Variants in PALS1 observed in about 807,000 individuals in gnomAD.
PALS1 encodes the protein protein associated with LIN7 1, MAGUK p55 family member, also known as protein PALS1.
A neutral mutation model predicts 78.9 loss-of-function variants in PALS1; 31 were observed. That is an observed-to-expected ratio of 0.39 (90% confidence interval 0.30 to 0.53). The LOEUF (loss-of-function observed/expected upper bound fraction) is 0.53, where lower values mean the gene tolerates loss of function less well. Ranked by LOEUF, PALS1 falls within the 20% of genes least tolerant of loss-of-function variation. The pLI, the probability that PALS1 is intolerant of heterozygous loss-of-function variation, is 0.67. For missense variants in PALS1, 704 were observed against 826.5 expected (o/e 0.85, Z 1.82); for synonymous variants, 276 against 270.9 (o/e 1.02, Z -0.18).
At chr14:67,301,921 C>A in intron 5 of PALS1, 51 bp from the exon 6 acceptor site, 1 of 1,544,666 alleles carries the variant, frequency 6.5e-7, no homozygotes, top group East Asian at 2.3e-5. Context: ...AATCACTCTG[C>A]AGAAATAAAT....
In PALS1 at chr14:67,334,408, G is replaced by A. The variant is rs1299339941; in HGVS notation, c.*1452G>A. ...AATGCCTTGATTTTATTTTTATGGT[G>A]ACTTTAGCTACAGCATTTCCTATAC... On this transcript the variant is annotated 3_prime_UTR_variant, in exon 15 of 15. Transcript: ENST00000261681. 1.3e-5 allele frequency: 2 copies of A among 152,614 alleles called. No individual in the cohort carries two copies. Among genetic ancestry groups the A allele is most frequent in the Non-Finnish European group, 2.9e-5 (2 of 68,028 alleles). 9.5% of individuals were successfully genotyped at this position (152,614 alleles called of 1,614,324 possible).
intron 1 of PALS1, chr14:67,254,179 TTTC>T (rs1346604125): frequency 1.4e-5 from 2 of 139,096 alleles, no homozygotes; most frequent in Non-Finnish European, 3.0e-5. Context: ...TTTAAGTGTC[TTTC>T]TTTTTTTTTT....
At chr14:67,314,816 C>T (rs2085143322) in intron 9 of PALS1, among the ~76,000 whole-genome samples, 1 of 152,084 alleles carries the variant, frequency 6.6e-6, no homozygotes, top group East Asian at 1.9e-4. Flanking sequence ...TGAGGCTGGC[C>T]CTGGTGGCTC....
intron 1 of PALS1, among the ~76,000 whole-genome samples, chr14:67,262,451 T>G (rs992792995): frequency 6.6e-6 from 1 of 152,210 alleles, no homozygotes; most frequent in African/African-American, 2.4e-5. Flanking sequence ...TACTCAGTAT[T>G]TTAAAACTCT....
chr14:67,269,560 A>G (rs547733995), intron 1 of PALS1, 141 bp from the exon 2 acceptor site: 2 of 152,600 alleles, frequency 1.3e-5, no homozygotes, highest in South Asian at 2.1e-4. Context: ...GTGCATTTTT[A>G]TGATTTCTGA....
In PALS1 at chr14:67,279,245, A is replaced by T; in HGVS notation, c.75A>T (p.Ser25=). ...AAGTAAAAAATGTTGATCTTGCATC[A>T]CCAGAGGAACATCAGAAGCACCGAG... The part of the protein sequence containing the change: ...DSEVKNVDLA[S]PEEHQKHREM... The change falls in exon 3 of 15, where the codon TCA becomes TCT. Residue 25 remains serine, a synonymous_variant. Transcript: ENST00000261681. 6.2e-7 allele frequency: 1 copy of T among 1,613,678 alleles called. No homozygotes were observed. Among genetic ancestry groups the T allele is most frequent in the Non-Finnish European group, 8.5e-7 (1 of 1,179,892 alleles).
chr14:67,266,866 T>C (rs1215953771), intron 1 of PALS1, among the ~76,000 whole-genome samples: 2 of 151,990 alleles, frequency 1.3e-5, no homozygotes, highest in Non-Finnish European at 2.9e-5. Flanking sequence ...TCCCAGCATG[T>C]TGGGAGGCCG....
chr14:67,299,783 A>G (rs1467081822), intron 4 of PALS1, among the ~76,000 whole-genome samples: 1 of 152,210 alleles, frequency 6.6e-6, no homozygotes, highest in East Asian at 1.9e-4. Context: ...AACTGACTTA[A>G]AAGTGGGAAT....
At chr14:67,296,450 A>T (rs2084851480) in intron 4 of PALS1, among the ~76,000 whole-genome samples, 2 of 151,778 alleles carry the variant, frequency 1.3e-5, no homozygotes, top group Admixed American at 6.6e-5. Context: ...AATACAAAAA[A>T]ATTAGGCGGG....
chr14:67,320,546 T>C lies in PALS1; in HGVS notation c.1537+149T>C, dbSNP rs938106746. The C allele has an allele frequency of 6.8e-6, 5 of 735,362 alleles. No individual in the cohort carries two copies. In the African/African-American group the frequency reaches 7.3e-5, roughly 11 times the overall value. The allele number at this position is 735,362 out of a possible 1,614,324, so 45.6% of individuals were successfully genotyped here. On this transcript the variant is annotated intron_variant, in intron 12 of 14. Transcript: ENST00000261681. Reference sequence around the variant, plus strand: ...TTTAACCAAAGATTTTGACAATTTTTAAATTAAAAATAGTCATTATTAAGA... The same window carrying C: ...TTTAACCAAAGATTTTGACAATTTTCAAATTAAAAATAGTCATTATTAAGA...
intron 3 of PALS1, among the ~76,000 whole-genome samples, chr14:67,290,114 T>C (rs1199351950): frequency 6.6e-6 from 1 of 152,126 alleles, no homozygotes; most frequent in Non-Finnish European, 1.5e-5. Flanking sequence ...TAAGTCCTTG[T>C]ATGTGCTCTA....
chr14:67,298,848 C>T (rs1157200135), intron 4 of PALS1, among the ~76,000 whole-genome samples: 2 of 152,136 alleles, frequency 1.3e-5, no homozygotes, highest in Non-Finnish European at 2.9e-5. Flanking sequence ...ATCCTCAGGC[C>T]CTATGAATAT....
chr14:67,245,829 CTT>C (rs150552756), intron 1 of PALS1, among the ~76,000 whole-genome samples: 9,124 of 152,084 alleles, frequency 0.06, 581 homozygotes, highest in African/African-American at 0.16. Context: ...TCTAAGAACT[CTT>C]TGCTCAATCC....
chr14:67,246,798 C>T (rs367774898), intron 1 of PALS1, among the ~76,000 whole-genome samples: 14 of 151,866 alleles, frequency 9.2e-5, no homozygotes, highest in African/African-American at 3.1e-4. Context: ...ATTATAAGCG[C>T]GCACCACCAC....
chr14:67,329,700 G>A (rs1002258538), intron 14 of PALS1, among the ~76,000 whole-genome samples: 16 of 152,060 alleles, frequency 1.1e-4, no homozygotes, highest in Non-Finnish European at 2.4e-4. Context: ...GCAACATAGT[G>A]AAATCCTGTC....
chr14:67,293,866 C>T (rs893061490), intron 4 of PALS1, among the ~76,000 whole-genome samples: 1 of 151,998 alleles, frequency 6.6e-6, no homozygotes, highest in Admixed American at 6.6e-5. Context: ...CCTTGTTTTG[C>T]TAAATACAAC....
chr14:67,285,663 T>A (rs1319162626), intron 3 of PALS1, among the ~76,000 whole-genome samples: 1 of 152,116 alleles, frequency 6.6e-6, no homozygotes, highest in African/African-American at 2.4e-5. Flanking sequence ...CCACTGCGCC[T>A]GACCCCCTTA....
intron 8 of PALS1, among the ~76,000 whole-genome samples, chr14:67,310,007 CA>C (rs1304612819): frequency 1.4e-5 from 2 of 146,060 alleles, no homozygotes; most frequent in African/African-American, 5.1e-5. Flanking sequence ...TTTTTTTTGG[CA>C]AAAAAGTAAC....
intron 13 of PALS1, 44 bp from the exon 14 acceptor site, chr14:67,323,658 T>A: frequency 6.5e-6 from 5 of 772,696 alleles, no homozygotes; most frequent in Non-Finnish European, 1.0e-5. Flanking sequence ...AGGAAGTAAT[T>A]AAATGATGCA....
Sources: gnomAD v4.1 joint callset for allele counts (sites outside exome capture counted in the v4.1 genomes callset) on GRCh38, gnomAD v4.1.1 for gene constraint, MANE v1.5 for transcripts, NCBI Gene and HGNC (gene_info 2026-07-23, HGNC 2026-07-21) for gene names.